Variants in RGS17 observed in about 807,000 individuals in gnomAD.
The protein encoded by RGS17 is regulator of G-protein signaling 17.
RGS17 carries 12 observed loss-of-function variants against 25.5 expected under a neutral mutation model. That is an observed-to-expected ratio of 0.47 (90% CI 0.30 to 0.76). The LOEUF (loss-of-function observed/expected upper bound fraction) is 0.76, where lower values mean the gene tolerates loss of function less well. Ranked by LOEUF, RGS17 falls within the 30% of genes least tolerant of loss-of-function variation. RGS17 has a pLI of 0.07. For missense variants in RGS17, 196 were observed against 242.2 expected, an observed-to-expected ratio of 0.81 and a Z score of 1.27; for synonymous variants, 71 against 76.9, an observed-to-expected ratio of 0.92 and a Z score of 0.40.
Position 153,008,991 on chromosome 6 carries a change from C to G in RGS17, c.*2583G>C, listed in dbSNP as rs1211957573. On this transcript the variant is annotated 3_prime_UTR_variant, in exon 5 of 5. Coordinates refer to ENST00000206262, the MANE Select transcript of RGS17 (RefSeq NM_012419.5). ...GCTCACATAGCATGGTTATCAACAT[C>G]TGATGTGTAAATCTGCTCTCGAATC... The G allele has an allele frequency of 6.6e-6, 1 of 152,166 alleles. No homozygotes were observed. The highest frequency in any genetic ancestry group is 1.5e-5 in the Non-Finnish European group (1 of 67,992). The allele number at this position is 152,166 out of a possible 1,614,324, so 9.4% of individuals were successfully genotyped here.
At chr6:153,080,988 G>C (rs572786095) in intron 1 of RGS17, among the ~76,000 whole-genome samples, 1 of 151,734 alleles carries the variant, frequency 6.6e-6, no homozygotes, top group South Asian at 2.1e-4. Flanking sequence ...CTTAAATTTA[G>C]ATTTTTTTAA....
At position 153,005,623 on chromosome 6, in the gene RGS17, C is replaced by T. The variant is rs1358430039; in HGVS notation, c.*5951G>A. ...CCATGTGATGAGCATGGCACTTTAC[C>T]GTTGTGTTCTTTCAAAAACCAAAAA... is the stretch of plus-strand genomic sequence containing the variant. On this transcript the variant is annotated 3_prime_UTR_variant, in exon 5 of 5. Transcript: ENST00000206262. 1 of 152,104 alleles carries T rather than the reference C, an allele frequency of 6.6e-6. No homozygotes were observed. The highest frequency in any genetic ancestry group is 6.6e-5 in the Admixed American group (1 of 15,266). The allele number at this position is 152,104 out of a possible 1,614,324, so 9.4% of individuals were successfully genotyped here.
chr6:153,092,940 C>CA (rs1271774846), intron 1 of RGS17, among the ~76,000 whole-genome samples: 2 of 152,082 alleles, frequency 1.3e-5, no homozygotes, highest in African/African-American at 4.8e-5. Context: ...CTGACACTAC[C>CA]AGGGCTTCAG....
At chr6:153,062,431 T>A (rs907025195) in intron 1 of RGS17, among the ~76,000 whole-genome samples, 11 of 152,160 alleles carry the variant, frequency 7.2e-5, no homozygotes, top group African/African-American at 2.7e-4. Context: ...ACAGAGGGTG[T>A]GTTTATATTA....
At chr6:153,111,452 T>C (rs916922472) in intron 1 of RGS17, among the ~76,000 whole-genome samples, 1 of 152,160 alleles carries the variant, frequency 6.6e-6, no homozygotes. Flanking sequence ...CAGGGGCTTA[T>C]AGATAAAGCT....
rs2129128420 is a variant in RGS17, at chr6:153,131,195, G to T, written c.-97C>A. ...CGGGGCTGGGCGGCTCGGTCCTCTA[G>T]CGGAGCCGGTTTGCTGCCATCCGCC... On this transcript the variant is annotated 5_prime_UTR_variant, in exon 1 of 5. Coordinates refer to ENST00000206262, the MANE Select transcript of RGS17 (RefSeq NM_012419.5). 1 of 151,842 alleles carries T rather than the reference G, an allele frequency of 6.6e-6. No individual in the cohort carries two copies. The highest frequency in any genetic ancestry group is 2.4e-5 in the African/African-American group (1 of 41,438). The allele number at this position is 151,842 out of a possible 1,614,324, so 9.4% of individuals were successfully genotyped here.
chr6:153,059,874 G>A (rs902940738), intron 1 of RGS17, among the ~76,000 whole-genome samples: 11 of 152,152 alleles, frequency 7.2e-5, no homozygotes, highest in African/African-American at 2.7e-4. Flanking sequence ...CAAAATTTGG[G>A]TCTTTGCTAT....
At chr6:153,025,541 GT>G (rs1370589001) in intron 3 of RGS17, among the ~76,000 whole-genome samples, 1 of 150,922 alleles carries the variant, frequency 6.6e-6, no homozygotes, top group Non-Finnish European at 1.5e-5. Context: ...GAGTCTTATG[GT>G]TAAAATGATT....
intron 1 of RGS17, among the ~76,000 whole-genome samples, chr6:153,082,192 A>G (rs2129119551): frequency 6.6e-6 from 1 of 152,288 alleles, no homozygotes; most frequent in African/African-American, 2.4e-5. Flanking sequence ...CTAATAGTGT[A>G]TATTGGCGTG....
intron 1 of RGS17, among the ~76,000 whole-genome samples, chr6:153,068,404 G>A (rs1584142412): frequency 1.3e-5 from 2 of 152,200 alleles, no homozygotes; most frequent in South Asian, 2.1e-4. Flanking sequence ...CCGAGATCGC[G>A]CCACTGCACT....
intron 1 of RGS17, among the ~76,000 whole-genome samples, chr6:153,086,181 T>TA (rs1260370554): frequency 6.6e-6 from 1 of 152,154 alleles, no homozygotes; most frequent in Non-Finnish European, 1.5e-5. Flanking sequence ...GAAAAAATAC[T>TA]AAAAAAACAC....
In RGS17 at chr6:153,115,497, G is replaced by A. The variant is rs556589730; in HGVS notation, c.-26+15627C>T. ...TCAATATCGTGAAAACAGCCATACT[G>A]CCCAAAGTAATTTATAGATTCAATG... On this transcript the variant is annotated intron_variant, in intron 1 of 4. Coordinates refer to ENST00000206262, the MANE Select transcript of RGS17 (RefSeq NM_012419.5). Among the ~76,000 whole-genome samples, 352 of 152,262 alleles carry A rather than the reference G, an allele frequency of 2.3e-3. 3 individuals carry two copies. Among genetic ancestry groups the A allele is most frequent in the African/African-American group, 8.2e-3 (339 of 41,542 alleles).
At chr6:153,052,847 C>T (rs550187593) in intron 1 of RGS17, among the ~76,000 whole-genome samples, 19 of 152,196 alleles carry the variant, frequency 1.2e-4, no homozygotes, top group Middle Eastern at 3.4e-3. Context: ...GGCCTATGGA[C>T]GGGGTCATTA....
chr6:153,102,714 A>T (rs1777323359), intron 1 of RGS17, among the ~76,000 whole-genome samples: 1 of 152,236 alleles, frequency 6.6e-6, no homozygotes, highest in Non-Finnish European at 1.5e-5. Context: ...CAGATCCTCG[A>T]ATGTTTTTTC....
chr6:153,073,438 G>A (rs774713667), intron 1 of RGS17, among the ~76,000 whole-genome samples: 1 of 152,084 alleles, frequency 6.6e-6, no homozygotes, highest in Non-Finnish European at 1.5e-5. Context: ...TAGCAGTCAG[G>A]GTCCCAGAAA....
Position 153,005,024 on chromosome 6 carries a change from T to C in RGS17, c.*6550A>G, listed in dbSNP as rs1779059106. 6.6e-6 allele frequency: 1 copy of C among 152,198 alleles called. No homozygotes were observed. Among genetic ancestry groups the C allele is most frequent in the Non-Finnish European group, 1.5e-5 (1 of 68,016 alleles). 9.4% of individuals were successfully genotyped at this position (152,198 alleles called of 1,614,324 possible). ...AATTCTTTTTAATATTTAGCAAACA[T>C]TTAAAAATCATATACAAGAAAGGTG... On this transcript the variant is annotated 3_prime_UTR_variant, in exon 5 of 5. Coordinates refer to ENST00000206262, the MANE Select transcript of RGS17 (RefSeq NM_012419.5).
chr6:153,020,171 T>G (rs1451156508), intron 4 of RGS17, among the ~76,000 whole-genome samples: 70 of 71,476 alleles, frequency 9.8e-4, no homozygotes, highest in Non-Finnish European at 1.7e-3. Flanking sequence ...TTTTTTTTTT[T>G]GAGACAGAGT....
intron 1 of RGS17, among the ~76,000 whole-genome samples, chr6:153,070,428 TTAAA>T (rs977472011): frequency 5.3e-5 from 8 of 152,068 alleles, no homozygotes; most frequent in African/African-American, 1.9e-4. Context: ...TTCTAGGATG[TTAAA>T]TAGTTATGTC....
At chr6:153,055,644 C>G (rs1178880258) in intron 1 of RGS17, among the ~76,000 whole-genome samples, 1 of 152,070 alleles carries the variant, frequency 6.6e-6, no homozygotes, top group African/African-American at 2.4e-5. Flanking sequence ...CTAGTCCTTA[C>G]GGTGAGGTGC....
Sources: gnomAD v4.1 joint callset for allele counts (sites outside exome capture counted in the v4.1 genomes callset) on GRCh38, gnomAD v4.1.1 for gene constraint, MANE v1.5 for transcripts, NCBI Gene and HGNC (gene_info 2026-07-23, HGNC 2026-07-21) for gene names.